The following ADGRL2 variants were observed in gnomAD, a reference collection of about 807,000 sequenced individuals.
ADGRL2 encodes the protein adhesion G protein-coupled receptor L2, also known as calcium-independent alpha-latrotoxin receptor 2.
ADGRL2 carries 44 observed loss-of-function variants against 157.4 expected under a neutral mutation model. The ratio of observed to expected loss-of-function variants is 0.28; its 90% CI spans 0.22 to 0.36. The LOEUF (loss-of-function observed/expected upper bound fraction) is 0.36, where lower values mean the gene tolerates loss of function less well. Ranked by LOEUF, ADGRL2 falls within the 10% of genes least tolerant of loss-of-function variation. The pLI, the probability that ADGRL2 is intolerant of heterozygous loss-of-function variation, is 1.00. For missense variants in ADGRL2, 1,510 were observed against 1,768.9 expected (o/e 0.85, Z 2.63); for synonymous variants, 585 against 624.7 (o/e 0.94, Z 0.95).
At chr1:81,447,667 AT>A (rs2077623734) in intron 2 of ADGRL2, among the ~76,000 whole-genome samples, 1 of 152,184 alleles carries the variant, frequency 6.6e-6, no homozygotes, top group Non-Finnish European at 1.5e-5. Flanking sequence ...AAAAAGGCTG[AT>A]TTTTAGAAAA....
intron 1 of ADGRL2, among the ~76,000 whole-genome samples, chr1:81,348,254 A>C (rs901793866): frequency 5.9e-5 from 9 of 151,994 alleles, no homozygotes; most frequent in Non-Finnish European, 5.9e-5. Context: ...TCTAAAATGC[A>C]CCTCCCCAAC....
intron 1 of ADGRL2, among the ~76,000 whole-genome samples, chr1:81,386,371 C>T (rs1570798383): frequency 6.6e-6 from 1 of 152,096 alleles, no homozygotes; most frequent in Admixed American, 6.6e-5. Flanking sequence ...TATTCGCTAG[C>T]CTCCATAATG....
At chr1:81,512,136 A>C (rs1457442978) in intron 2 of ADGRL2, among the ~76,000 whole-genome samples, 4 of 152,192 alleles carry the variant, frequency 2.6e-5, no homozygotes, top group African/African-American at 9.6e-5. Context: ...TCTACAGTTT[A>C]TAGTGAGATG....
intron 2 of ADGRL2, among the ~76,000 whole-genome samples, chr1:81,571,452 C>CTGT (rs1557471769): frequency 1.4e-5 from 2 of 146,162 alleles, no homozygotes; most frequent in East Asian, 4.0e-4. Flanking sequence ...TATACACACA[C>CTGT]ATATATATAT....
At chr1:81,624,989 A>G (rs2081880456) in intron 3 of ADGRL2, among the ~76,000 whole-genome samples, 1 of 152,238 alleles carries the variant, frequency 6.6e-6, no homozygotes. Flanking sequence ...TTTGGTGATC[A>G]TGACAATAGG....
At position 81,683,978 on chromosome 1, in the gene ADGRL2, G is replaced by A. The variant is rs1341591470; in HGVS notation, c.-142-77833G>A. Among the ~76,000 whole-genome samples the A allele has an allele frequency of 5.3e-5, 8 of 151,862 alleles. No homozygotes were observed. In the East Asian group the frequency reaches 7.8e-4, roughly 15 times the overall value. ...ATTACAGGCGCACGCCACCATGCCC[G>A]GCTCATTTTTTTATTTTTAGTAGAG... On this transcript the variant is annotated intron_variant, in intron 3 of 24. Coordinates refer to the ADGRL2 transcript ENST00000370721.
intron 2 of ADGRL2, among the ~76,000 whole-genome samples, chr1:81,894,590 A>T (rs2094341391): frequency 6.6e-6 from 1 of 152,164 alleles, no homozygotes; most frequent in African/African-American, 2.4e-5. Flanking sequence ...GACAATGTAT[A>T]TTTTAGAAAT....
chr1:81,364,663 C>A (rs572420154), intron 1 of ADGRL2, among the ~76,000 whole-genome samples: 1 of 151,684 alleles, frequency 6.6e-6, no homozygotes, highest in African/African-American at 2.4e-5. Flanking sequence ...GCAGTAGTAT[C>A]TTTGAGGAGT....
chr1:81,580,589 A>G (rs2080887524), intron 2 of ADGRL2, among the ~76,000 whole-genome samples: 2 of 152,008 alleles, frequency 1.3e-5, no homozygotes, highest in African/African-American at 4.8e-5. Context: ...AAGGAGTATC[A>G]CTCACTATAA....
intron 2 of ADGRL2, among the ~76,000 whole-genome samples, chr1:81,852,461 T>C (rs548771251): frequency 6.6e-6 from 1 of 152,280 alleles, no homozygotes; most frequent in African/African-American, 2.4e-5. Context: ...AGCTGTATTC[T>C]GTAAGCATAG....
At position 81,991,385 on chromosome 1, in the gene ADGRL2, C is replaced by T. The variant is rs41292986; in HGVS notation, c.*240C>T. 6,602 of 332,946 alleles carry T rather than the reference C, an allele frequency of 0.02. 122 individuals are homozygous for T. Among genetic ancestry groups the T allele is most frequent in the South Asian group, 0.068 (659 of 9,688 alleles). 20.6% of individuals were successfully genotyped at this position (332,946 alleles called of 1,614,324 possible). On this transcript the variant is annotated 3_prime_UTR_variant, in exon 24 of 24. Transcript: ENST00000686636. Reference sequence around the variant, plus strand: ...TTGTTACAAAGAAAAGAGATGCCAGCCAGGTATTTTAAGATTCTGCTGCTG... The same window carrying T: ...TTGTTACAAAGAAAAGAGATGCCAGTCAGGTATTTTAAGATTCTGCTGCTG...
At chr1:81,515,877 T>A (rs927912544) in intron 2 of ADGRL2, among the ~76,000 whole-genome samples, 43 of 152,316 alleles carry the variant, frequency 2.8e-4, no homozygotes, top group African/African-American at 7.2e-4. Context: ...TTTCTTCTTT[T>A]ATGATATGCT....
At chr1:81,339,197 G>T (rs114107740) in intron 1 of ADGRL2, among the ~76,000 whole-genome samples, 1 of 152,152 alleles carries the variant, frequency 6.6e-6, no homozygotes, top group African/African-American at 2.4e-5. Flanking sequence ...TTTGCAACAG[G>T]CCTATAGGGA....
Position 81,677,956 on chromosome 1 carries a change from A to C in ADGRL2, c.-142-83855A>C, listed in dbSNP as rs77890028. 1.7e-3 allele frequency among the ~76,000 whole-genome samples: 257 copies of C among 152,268 alleles called. 1 individual carries two copies. Among genetic ancestry groups the C allele is most frequent in the African/African-American group, 6.1e-3 (254 of 41,562 alleles). On this transcript the variant is annotated intron_variant, in intron 3 of 24. Transcript: ENST00000370721. ...CTATGTAACAAATACATTATATACT[A>C]TTATTTTCTCTGAACTTCTATCTTT...
At chr1:81,410,141 T>A (rs2076923020) in intron 1 of ADGRL2, among the ~76,000 whole-genome samples, 1 of 152,240 alleles carries the variant, frequency 6.6e-6, no homozygotes, top group Non-Finnish European at 1.5e-5. Context: ...AGAGCATGAC[T>A]TATTTTTCAT....
intron 1 of ADGRL2, among the ~76,000 whole-genome samples, chr1:81,391,278 C>T (rs963494101): frequency 6.6e-6 from 1 of 152,300 alleles, no homozygotes; most frequent in African/African-American, 2.4e-5. Context: ...CTACAGAAGG[C>T]CTAGAGACTG....
chr1:81,500,381 T>A (rs1015874275), intron 2 of ADGRL2, among the ~76,000 whole-genome samples: 1 of 152,132 alleles, frequency 6.6e-6, no homozygotes, highest in African/African-American at 2.4e-5. Context: ...TTCATAATAG[T>A]CAAAAGGTGG....
At chr1:81,358,513 G>A (rs374630266) in intron 1 of ADGRL2, among the ~76,000 whole-genome samples, 4 of 152,238 alleles carry the variant, frequency 2.6e-5, no homozygotes, top group East Asian at 3.9e-4. Context: ...TATGTGTGCA[G>A]TAGAGACCCC....
intron 1 of ADGRL2, among the ~76,000 whole-genome samples, chr1:81,328,310 G>T (rs1436039208): frequency 1.3e-5 from 2 of 152,064 alleles, no homozygotes; most frequent in African/African-American, 4.8e-5. Context: ...AGAATTTTGA[G>T]GAAACCATAG....
Sources: gnomAD v4.1 joint callset for allele counts (sites outside exome capture counted in the v4.1 genomes callset) on GRCh38, gnomAD v4.1.1 for gene constraint, MANE v1.5 for transcripts, NCBI Gene and HGNC (gene_info 2026-07-23, HGNC 2026-07-21) for gene names.